ANK2: variants seen among roughly 807,000 people sequenced by gnomAD.
ANK2 encodes ankyrin 2.
In ANK2, 83 loss-of-function variants were observed where a neutral mutation model predicts 360.5. That is an observed-to-expected ratio of 0.23 (90% confidence interval 0.19 to 0.28). The LOEUF is 0.28. ANK2 is among the 10% of genes least tolerant of loss of function. The probability of loss-of-function intolerance (pLI) is 1.00; values close to 1 mark genes in which losing one functional copy is unlikely to be tolerated. For missense variants in ANK2, 4,201 were observed against 4,795.7 expected (o/e 0.88, Z 3.66); for synonymous variants, 1,740 against 1,759.5 (o/e 0.99, Z 0.28).
intron 2 of ANK2, among the ~76,000 whole-genome samples, chr4:112,922,531 G>T (rs2091780276): frequency 2.0e-5 from 3 of 152,204 alleles, no homozygotes; most frequent in Admixed American, 2.0e-4. Flanking sequence ...AAAGACAGGG[G>T]ATTTGATTTA....
the ANK2 span, among the ~76,000 whole-genome samples, chr4:112,772,431 G>A: frequency 3.9e-5 from 6 of 152,102 alleles, no homozygotes; most frequent in African/African-American, 1.4e-4. Flanking sequence ...AACTCAAGAT[G>A]AGATTTGAGT....
chr4:113,178,810 G>C (rs113297341), intron 2 of ANK2, among the ~76,000 whole-genome samples: 162 of 152,256 alleles, frequency 1.1e-3, no homozygotes, highest in African/African-American at 3.8e-3. Flanking sequence ...TACAAATGTA[G>C]AAACTGGGCC....
In ANK2 at chr4:113,264,722, C is replaced by CAA. The variant is rs11452087; in HGVS notation, c.1387-162_1387-161dup. On this transcript the variant is annotated intron_variant, in intron 13 of 45. Transcript: ENST00000357077. ...GAGCAACAAGAGTGAAACTTTGTCT[C>CAA]AAAAAAAAAAAAAAGATACAAATCT... Among the ~76,000 whole-genome samples, 394 of 141,798 alleles carry CAA rather than the reference C, an allele frequency of 2.8e-3. 1 individual carries two copies. The highest frequency in any genetic ancestry group is 0.011 in the East Asian group (53 of 4,926). The allele number at this position is 141,798 out of a possible 152,430, so 93.0% of individuals were successfully genotyped here. A position where few individuals can be genotyped will look rare whatever the true frequency, so the allele number is the denominator to read the frequency against.
intron 14 of ANK2, among the ~76,000 whole-genome samples, chr4:113,266,197 AC>A (rs1252565600): frequency 4.6e-5 from 7 of 152,176 alleles, no homozygotes; most frequent in African/African-American, 1.7e-4. Flanking sequence ...ATGAGTGAGA[AC>A]ATGCAGTGTT....
At chr4:112,888,456 G>T (rs2079028914) in intron 1 of ANK2, among the ~76,000 whole-genome samples, 1 of 151,950 alleles carries the variant, frequency 6.6e-6, no homozygotes, top group Non-Finnish European at 1.5e-5. Context: ...AATAACAAGG[G>T]TTTGCATATT....
At chr4:112,968,180 C>G (rs1036622744) in intron 2 of ANK2, among the ~76,000 whole-genome samples, 1 of 152,166 alleles carries the variant, frequency 6.6e-6, no homozygotes, top group Non-Finnish European at 1.5e-5. Context: ...TAGTATAATT[C>G]TTGAACTGAG....
chr4:112,741,783 C>A, the ANK2 span, among the ~76,000 whole-genome samples: 1 of 151,970 alleles, frequency 6.6e-6, no homozygotes, highest in Non-Finnish European at 1.5e-5. Flanking sequence ...GAGATAAAGA[C>A]CAGCCTGGGC....
intron 1 of ANK2, among the ~76,000 whole-genome samples, chr4:113,068,570 A>T (rs1490689214): frequency 1.3e-5 from 2 of 152,240 alleles, no homozygotes; most frequent in African/African-American, 4.8e-5. Context: ...TTTAGATTAC[A>T]GATGTAAAGT....
At chr4:113,157,370 C>T (rs1182228409) in intron 1 of ANK2, among the ~76,000 whole-genome samples, 1 of 152,158 alleles carries the variant, frequency 6.6e-6, no homozygotes, top group East Asian at 1.9e-4. Flanking sequence ...CAAATGTTGT[C>T]TTTGAAGCCT....
At chr4:113,258,454 G>A (rs753714944) in intron 13 of ANK2, 43 bp downstream of exon 13, 14 of 1,551,048 alleles carry the variant, frequency 9.0e-6, no homozygotes, top group East Asian at 2.2e-5. Context: ...GAGGAAGAGC[G>A]AGAGGAACAG....
intron 1 of ANK2, among the ~76,000 whole-genome samples, chr4:112,840,001 G>A (rs1027270213): frequency 6.6e-6 from 1 of 152,134 alleles, no homozygotes; most frequent in African/African-American, 2.4e-5. Context: ...GATAATAATT[G>A]TGATTCATTT....
intron 2 of ANK2, among the ~76,000 whole-genome samples, chr4:112,966,939 C>A (rs1159984270): frequency 6.6e-6 from 1 of 152,004 alleles, no homozygotes; most frequent in Non-Finnish European, 1.5e-5. Context: ...TTGATGAGGG[C>A]CTTGGGGGGA....
intron 17 of ANK2, among the ~76,000 whole-genome samples, chr4:113,279,607 C>G (rs2061485286): frequency 6.7e-6 from 1 of 150,230 alleles, no homozygotes; most frequent in African/African-American, 2.4e-5. Context: ...TACATATATA[C>G]TCATATGCCT....
the ANK2 span, among the ~76,000 whole-genome samples, chr4:112,777,909 C>T: frequency 1.1e-3 from 169 of 151,584 alleles, no homozygotes; most frequent in Admixed American, 3.6e-3. Flanking sequence ...TGAGCCACCG[C>T]GCCCGGCTCA....
intron 1 of ANK2, among the ~76,000 whole-genome samples, chr4:113,053,467 A>C (rs1472077085): frequency 6.6e-6 from 1 of 152,206 alleles, no homozygotes; most frequent in East Asian, 1.9e-4. Flanking sequence ...TTCAGTGGCG[A>C]AGAGGAAATG....
chr4:112,854,756 G>A (rs2065916691), intron 1 of ANK2, among the ~76,000 whole-genome samples: 1 of 152,184 alleles, frequency 6.6e-6, no homozygotes, highest in Non-Finnish European at 1.5e-5. Flanking sequence ...TAGTGGATAT[G>A]TAGTTTCAGG....
chr4:113,073,762 C>T (rs970777630), intron 1 of ANK2, among the ~76,000 whole-genome samples: 7 of 152,182 alleles, frequency 4.6e-5, no homozygotes, highest in African/African-American at 1.4e-4. Flanking sequence ...TGATCATCGA[C>T]GGCTGCCACG....
intron 1 of ANK2, among the ~76,000 whole-genome samples, chr4:113,119,510 T>C (rs925065225): frequency 7.2e-5 from 11 of 152,030 alleles, no homozygotes; most frequent in African/African-American, 2.7e-4. Context: ...TCATGATAGT[T>C]CATGAAGAAA....
At chr4:112,744,835 A>C in the ANK2 span, among the ~76,000 whole-genome samples, 4 of 152,320 alleles carry the variant, frequency 2.6e-5, no homozygotes, top group Admixed American at 1.3e-4. Flanking sequence ...GTCTTTCCCA[A>C]TATAATCGTC....
Sources: gnomAD v4.1 joint callset for allele counts (sites outside exome capture counted in the v4.1 genomes callset) on GRCh38, gnomAD v4.1.1 for gene constraint, MANE v1.5 for transcripts, NCBI Gene and HGNC (gene_info 2026-07-23, HGNC 2026-07-21) for gene names.